The following FBXO34 variants were observed in gnomAD, a reference collection of about 807,000 sequenced individuals.
FBXO34 encodes the protein F-box only protein 34.
FBXO34 carries 12 observed loss-of-function variants against 24.5 expected under a neutral mutation model. That is an observed-to-expected ratio of 0.49 (90% confidence interval 0.31 to 0.79). The LOEUF (loss-of-function observed/expected upper bound fraction) is 0.79. Among genes scored for constraint, FBXO34 ranks in the 30% least tolerant of loss-of-function variants. The pLI, the probability that FBXO34 is intolerant of heterozygous loss-of-function variation, is 0.04. For synonymous variants in FBXO34, 320 were observed against 311.9 expected, an observed-to-expected ratio of 1.03 and a Z score of -0.27; for missense variants, 823 against 857.7, an observed-to-expected ratio of 0.96 and a Z score of 0.51.
chr14:55,437,877 T>A, the FBXO34 span, among the ~76,000 whole-genome samples: 2 of 152,192 alleles, frequency 1.3e-5, no homozygotes, highest in African/African-American at 4.8e-5. Flanking sequence ...TTAGAAGAAT[T>A]TACACTAGGA....
intron 1 of FBXO34, among the ~76,000 whole-genome samples, chr14:55,323,946 C>G (rs1883255968): frequency 6.6e-6 from 1 of 152,102 alleles, no homozygotes; most frequent in Non-Finnish European, 1.5e-5. Flanking sequence ...AAAATTCACC[C>G]TTTGAAAGTG....
the FBXO34 span, chr14:55,414,188 T>C: frequency 7.3e-6 from 4 of 551,624 alleles, no homozygotes; most frequent in Non-Finnish European, 1.3e-5. Context: ...GTTCAGTTTT[T>C]AAAATAACAC....
chr14:55,288,030 G>A (rs1002851899), intron 1 of FBXO34, among the ~76,000 whole-genome samples: 3 of 152,200 alleles, frequency 2.0e-5, no homozygotes, highest in Admixed American at 6.5e-5. Flanking sequence ...TTGGATTTTG[G>A]ACCATTTCGG....
chr14:55,369,754 G>A (rs1319904976), downstream of FBXO34: 1 of 1,614,074 alleles, frequency 6.2e-7, no homozygotes, highest in African/African-American at 1.3e-5. Context: ...CCACAGACTG[G>A]GAAGGGATAT....
downstream of FBXO34, among the ~76,000 whole-genome samples, chr14:55,364,997 G>A (rs1004592993): frequency 6.1e-5 from 9 of 148,750 alleles, no homozygotes; most frequent in East Asian, 1.6e-3. Context: ...GAGGCGAGCA[G>A]ATCACGAGAT....
At chr14:55,426,626 C>T in the FBXO34 span, among the ~76,000 whole-genome samples, 5 of 151,670 alleles carry the variant, frequency 3.3e-5, no homozygotes, top group Non-Finnish European at 7.4e-5. Context: ...CTGAGGCTGA[C>T]AGCCGAATGG....
At chr14:55,291,343 C>T (rs1881939458) in intron 1 of FBXO34, among the ~76,000 whole-genome samples, 1 of 152,072 alleles carries the variant, frequency 6.6e-6, no homozygotes, top group African/African-American at 2.4e-5. Context: ...CTGATGATAC[C>T]TAGAAAGCAT....
In FBXO34 at chr14:55,295,441, C is replaced by G. The variant is rs1480264096; in HGVS notation, c.-11+23904C>G. Among the ~76,000 whole-genome samples, 3 of 129,484 alleles carry G rather than the reference C, an allele frequency of 2.3e-5. No homozygotes were observed. In the Admixed American group the frequency reaches 2.7e-4, roughly 12 times the overall value. The allele number at this position is 129,484 out of a possible 152,430, so 84.9% of individuals were successfully genotyped here. A position where few individuals can be genotyped will look rare whatever the true frequency, so the allele number is the denominator to read the frequency against. Reference sequence around the variant, plus strand: ...CAGAGTCTCTCGTCTGTTGCCCAGGCTGGAGTGGAGTGGTGTGATCTTGAC... The same window carrying G: ...CAGAGTCTCTCGTCTGTTGCCCAGGGTGGAGTGGAGTGGTGTGATCTTGAC... On this transcript the variant is annotated intron_variant, in intron 1 of 1. Transcript: ENST00000313833.
chr14:55,351,979 C>T lies in FBXO34; in HGVS notation c.1589C>T (p.Pro530Leu), dbSNP rs549816004. The stretch of plus-strand genomic sequence containing the variant: ...GAGGAAAAAAGTGGGTCTGCTGAGC[C>T]ATTTGTACTGCCAGCCTCTTCTGTG... ...ASEEKSGSAE[P>L]FVLPASSVES... is the part of the protein sequence containing the mutation. Residue 530 changes from proline (P) to leucine (L), a missense_variant, in exon 2 of 2, where the codon CCA becomes CTA. By Grantham distance (98) the Pro-to-Leu change is moderately conservative. Transcript: ENST00000313833. 1.9e-4 allele frequency: 310 copies of T among 1,614,016 alleles called. No homozygotes were observed. The highest frequency in any genetic ancestry group is 2.4e-4 in the Non-Finnish European group (289 of 1,180,036).
the FBXO34 span, among the ~76,000 whole-genome samples, chr14:55,405,057 A>C: frequency 6.6e-6 from 1 of 152,234 alleles, no homozygotes; most frequent in Admixed American, 6.5e-5. Flanking sequence ...TTTCTGGTGG[A>C]AATACCATAA....
At chr14:55,316,942 A>G (rs1383419642) in intron 1 of FBXO34, among the ~76,000 whole-genome samples, 1 of 152,152 alleles carries the variant, frequency 6.6e-6, no homozygotes, top group Non-Finnish European at 1.5e-5. Context: ...GTGAGATTCT[A>G]AAAAAACTGA....
downstream of FBXO34, among the ~76,000 whole-genome samples, chr14:55,371,824 AAG>A: frequency 6.6e-6 from 1 of 151,914 alleles, no homozygotes; most frequent in Non-Finnish European, 1.5e-5. Flanking sequence ...CAAAAAAACA[AAG>A]AGCCCCTCAG....
rs200207283 is a variant in FBXO34 at position 55,352,211 on chromosome 14, T to C, written c.1821T>C (p.Phe607=). ...AATGTACCTGCTGCTATTTCAAGTT[T>C]ATCATTGAGTACTACAATATCAGGC... ...ALKCTCCYFK[F]IIEYYNIRPA... The change falls in exon 2 of 2, where the codon TTT becomes TTC. Residue 607 remains phenylalanine (F), a synonymous_variant. Transcript: ENST00000313833. 137 of 1,614,152 alleles carry C rather than the reference T, an allele frequency of 8.5e-5. No homozygotes were observed. The Middle Eastern group carries it at 9.9e-4, about 12-fold the overall frequency.
chr14:55,379,662 T>C, the FBXO34 span, among the ~76,000 whole-genome samples: 1 of 151,868 alleles, frequency 6.6e-6, no homozygotes, highest in Non-Finnish European at 1.5e-5. Context: ...GCAATGATAG[T>C]TGGAGGGTAG....
the FBXO34 span, chr14:55,411,573 A>C: frequency 6.3e-7 from 1 of 1,581,794 alleles, no homozygotes; most frequent in Non-Finnish European, 8.6e-7. Context: ...ACAGCAGAAG[A>C]AACAATAGGG....
At chr14:55,313,045 T>C (rs1882801532) in intron 1 of FBXO34, among the ~76,000 whole-genome samples, 2 of 152,246 alleles carry the variant, frequency 1.3e-5, no homozygotes, top group Non-Finnish European at 1.5e-5. Context: ...CTGCTTCCTT[T>C]TTAAACTTAA....
intron 1 of FBXO34, among the ~76,000 whole-genome samples, chr14:55,289,322 A>G (rs57787897): frequency 6.6e-6 from 1 of 152,144 alleles, no homozygotes; most frequent in Non-Finnish European, 1.5e-5. Context: ...CAAAATTTCA[A>G]AAAAGTTTGT....
intron 1 of FBXO34, among the ~76,000 whole-genome samples, chr14:55,274,945 A>G (rs1039306299): frequency 1.3e-5 from 2 of 152,244 alleles, no homozygotes; most frequent in Non-Finnish European, 2.9e-5. Context: ...CAGCAAGTGC[A>G]TAATCTGCAG....
the FBXO34 span, among the ~76,000 whole-genome samples, chr14:55,425,989 C>A: frequency 1.3e-5 from 2 of 151,980 alleles, no homozygotes; most frequent in African/African-American, 4.8e-5. Context: ...AAGAGGGGGC[C>A]GGGTGCGGTG....
Sources: gnomAD v4.1 joint callset for allele counts (sites outside exome capture counted in the v4.1 genomes callset) on GRCh38, gnomAD v4.1.1 for gene constraint, MANE v1.5 for transcripts, NCBI Gene and HGNC (gene_info 2026-07-23, HGNC 2026-07-21) for gene names.